UGT1A9: variants seen among roughly 807,000 people sequenced by gnomAD.
The protein encoded by UGT1A9 is UDP-glucuronosyltransferase 1A9.
Under a neutral mutation model 45.0 loss-of-function variants are expected in UGT1A9, and 35 were observed. The ratio of observed to expected loss-of-function variants is 0.78; its 90% confidence interval spans 0.59 to 1.03. The LOEUF (loss-of-function observed/expected upper bound fraction) is 1.03, where lower values mean the gene tolerates loss of function less well. Among genes scored for constraint, UGT1A9 ranks in the 50% least tolerant of loss-of-function variants. The pLI, the probability that UGT1A9 is intolerant of heterozygous loss-of-function variation, is 0.00. For synonymous variants in UGT1A9, 278 were observed against 250.6 expected (o/e 1.11, Z -1.03); for missense variants, 687 against 666.6 (o/e 1.03, Z -0.34).
intron 1 of UGT1A9, among the ~76,000 whole-genome samples, chr2:233,738,054 T>A (rs1271944980): frequency 6.6e-6 from 1 of 152,146 alleles, no homozygotes; most frequent in African/African-American, 2.4e-5. Flanking sequence ...GGACAGGACA[T>A]GGTGGGAGGT....
Position 233,750,047 on chromosome 2 carries a change from G to A in UGT1A9, c.856-16987G>A, listed in dbSNP as rs570611446. Among the ~76,000 whole-genome samples the A allele has an allele frequency of 7.3e-4, 111 of 151,986 alleles. 3 individuals are homozygous for A. Among genetic ancestry groups the A allele is most frequent in the Non-Finnish European group, 1.1e-3 (77 of 68,028 alleles). ...CTGCTATAAAGATACTTGAAAATGT[G>A]GAAGTGACTTTGGAACTGGGTAACA... On this transcript the variant is annotated intron_variant, in intron 1 of 4. Transcript: ENST00000354728.
At chr2:233,754,255 AG>A in intron 1 of UGT1A9, 1 of 170,204 alleles carries the variant, frequency 5.9e-6, no homozygotes, top group Admixed American at 5.6e-5. Context: ...CAACGGAAAA[AG>A]GTAAGGCTCA....
chr2:233,719,667 A>G, intron 1 of UGT1A9: 1 of 1,614,118 alleles, frequency 6.2e-7, no homozygotes, highest in South Asian at 1.1e-5. Flanking sequence ...CAACTGTGCC[A>G]ACGGGAAGCC....
At chr2:233,720,001 A>G (rs904856) in intron 1 of UGT1A9, among the ~76,000 whole-genome samples, 12,162 of 152,212 alleles carry the variant, frequency 0.08, 620 homozygotes, top group East Asian at 0.2. Context: ...CACTACATTC[A>G]GAACTGATCC....
chr2:233,693,186 C>G lies in UGT1A9; in HGVS notation c.855+20397C>G. The G allele has an allele frequency of 1.9e-6, 3 of 1,614,092 alleles. No individual in the cohort carries two copies. The Middle Eastern group carries it at 4.9e-4, about 266-fold the overall frequency. ...GGTCATGAGATTGTAGTGGTGGTGCCTGAAGTTAATTTGCTTTTGAAAGAA... is the reference window on the plus strand; with the variant it reads ...GGTCATGAGATTGTAGTGGTGGTGCGTGAAGTTAATTTGCTTTTGAAAGAA... On this transcript the variant is annotated intron_variant, in intron 1 of 4. Transcript: ENST00000354728.
chr2:233,689,946 CT>C (rs1231536874), intron 1 of UGT1A9: 1 of 456,410 alleles, frequency 2.2e-6, no homozygotes. Context: ...CAAGATTTTC[CT>C]TTATTTCCAT....
chr2:233,738,530 G>A (rs1226975410), intron 1 of UGT1A9, among the ~76,000 whole-genome samples: 4 of 152,208 alleles, frequency 2.6e-5, no homozygotes, highest in African/African-American at 9.6e-5. Flanking sequence ...GGACAATGAA[G>A]TCCAGGCTGA....
At chr2:233,718,883 T>C in intron 1 of UGT1A9, 2 of 1,613,952 alleles carry the variant, frequency 1.2e-6, no homozygotes, top group Non-Finnish European at 1.7e-6. Flanking sequence ...TCCTCCTCAG[T>C]GTCCAGCCCT....
At chr2:233,680,412 A>T (rs781618999) in intron 1 of UGT1A9, among the ~76,000 whole-genome samples, 1 of 152,200 alleles carries the variant, frequency 6.6e-6, no homozygotes, top group Admixed American at 6.5e-5. Flanking sequence ...CAACAAAATT[A>T]TTATAGTAGT....
chr2:233,772,766 C>A lies in UGT1A9; in HGVS notation c.*207C>A, dbSNP rs910513508. The A allele has an allele frequency of 8.7e-6, 12 of 1,374,468 alleles. No homozygotes were observed. Among genetic ancestry groups the A allele is most frequent in the East Asian group, 7.6e-5 (3 of 39,290 alleles). 85.1% of individuals were successfully genotyped at this position (1,374,468 alleles called of 1,614,324 possible). ...AGATATTTGAATATGTATCGTGCCC[C>A]CTCTGGTGTCTTTGATCAGGATGAC... On this transcript the variant is annotated 3_prime_UTR_variant, in exon 5 of 5. Transcript: ENST00000354728.
chr2:233,760,445 G>A (rs2125984169), intron 1 of UGT1A9: 1 of 1,614,212 alleles, frequency 6.2e-7, no homozygotes, highest in Non-Finnish European at 8.5e-7. Context: ...CTGCAGCAGA[G>A]GGGACATGAA....
At chr2:233,732,132 GT>G (rs869109259) in intron 1 of UGT1A9, among the ~76,000 whole-genome samples, 1 of 57,612 alleles carries the variant, frequency 1.7e-5, no homozygotes, top group African/African-American at 9.7e-5. Context: ...TGATGAGGTT[GT>G]TTGTTTGTTT....
intron 1 of UGT1A9, among the ~76,000 whole-genome samples, chr2:233,744,984 T>A (rs1359972608): frequency 1.3e-5 from 2 of 151,892 alleles, no homozygotes; most frequent in Non-Finnish European, 2.9e-5. Flanking sequence ...CCTCTAGTCA[T>A]CTCTTGATTA....
In UGT1A9 at chr2:233,672,781, T is replaced by G; in HGVS notation, c.847T>G (p.Leu283Val). The change falls in exon 1 of 5, where the codon TTG (leucine) becomes GTG (valine). Residue 283 changes from leucine (L) to valine (V), a missense_variant. By Grantham distance (32) the Leu-to-Val change is conservative. Transcript: ENST00000354728. The part of the protein sequence containing the change: ...GGINCHQGKP[L>V]PMEFEAYINA... ...TATCAACTGCCATCAGGGAAAGCCG[T>G]TGCCTATGGTAAGTTATCTCTCCTT... 3 of 1,613,358 alleles carry G rather than the reference T, an allele frequency of 1.9e-6. No homozygotes were observed. Among genetic ancestry groups the G allele is most frequent in the Non-Finnish European group, 2.5e-6 (3 of 1,179,436 alleles).
chr2:233,749,365 C>A (rs540660100), intron 1 of UGT1A9, among the ~76,000 whole-genome samples: 4 of 151,824 alleles, frequency 2.6e-5, no homozygotes, highest in Admixed American at 1.3e-4. Context: ...GTGACTCTTG[C>A]CCTTTTCTTC....
At chr2:233,703,127 G>A (rs1038080992) in intron 1 of UGT1A9, among the ~76,000 whole-genome samples, 3 of 152,134 alleles carry the variant, frequency 2.0e-5, no homozygotes, top group Non-Finnish European at 4.4e-5. Context: ...CTTTTTACCT[G>A]TTATGGCTTT....
At chr2:233,680,088 G>C (rs563682617) in intron 1 of UGT1A9, among the ~76,000 whole-genome samples, 38 of 151,554 alleles carry the variant, frequency 2.5e-4, no homozygotes, top group Non-Finnish European at 5.0e-4. Context: ...TTTTGAAATG[G>C]CAGGCAATCA....
chr2:233,750,101 C>T (rs1348616691), intron 1 of UGT1A9, among the ~76,000 whole-genome samples: 1 of 151,822 alleles, frequency 6.6e-6, no homozygotes, highest in Non-Finnish European at 1.5e-5. Flanking sequence ...TTGGAGAGCT[C>T]AGAAGAAGAC....
At chr2:233,719,169 A>T (rs1251118091) in intron 1 of UGT1A9, 3 of 1,614,252 alleles carry the variant, frequency 1.9e-6, no homozygotes, top group East Asian at 2.2e-5. Flanking sequence ...TATGGCAATT[A>T]TGAACAATGT....
Sources: gnomAD v4.1 joint callset for allele counts (sites outside exome capture counted in the v4.1 genomes callset) on GRCh38, gnomAD v4.1.1 for gene constraint, MANE v1.5 for transcripts, NCBI Gene and HGNC (gene_info 2026-07-23, HGNC 2026-07-21) for gene names.